The following IMMP2L variants were observed in gnomAD, a reference collection of about 807,000 sequenced individuals.
IMMP2L encodes the protein mitochondrial inner membrane protease subunit 2.
IMMP2L carries 18 observed loss-of-function variants against 19.3 expected under a neutral mutation model. The observed-to-expected ratio is 0.93, with a 90% CI of 0.64 to 1.38. IMMP2L has a LOEUF of 1.38. IMMP2L is among the 40% of genes most tolerant of loss of function. IMMP2L has a pLI of 0.00. For synonymous variants in IMMP2L, 76 were observed against 73.0 expected, an observed-to-expected ratio of 1.04 and a Z score of -0.21; for missense variants, 233 against 218.2, an observed-to-expected ratio of 1.07 and a Z score of -0.43.
intron 5 of IMMP2L, among the ~76,000 whole-genome samples, chr7:110,687,628 A>G (rs1423127801): frequency 3.3e-5 from 5 of 152,126 alleles, no homozygotes; most frequent in Admixed American, 3.3e-4. Context: ...TAAAATTTAG[A>G]TCTTAATGAT....
intron 3 of IMMP2L, among the ~76,000 whole-genome samples, chr7:111,243,027 T>G (rs1815314711): frequency 2.0e-5 from 3 of 152,098 alleles, no homozygotes; most frequent in Admixed American, 2.0e-4. Flanking sequence ...AAATCTCTTT[T>G]TGTGCACTTT....
At chr7:111,414,810 TAC>T (rs956400250) in intron 3 of IMMP2L, among the ~76,000 whole-genome samples, 9 of 151,874 alleles carry the variant, frequency 5.9e-5, no homozygotes, top group Middle Eastern at 3.4e-3. Flanking sequence ...CACTAAAAAA[TAC>T]AGTCTATTAA....
rs958708877 is a variant in IMMP2L at position 110,728,190 on chromosome 7, A to G, written c.409-64469T>C. Among the ~76,000 whole-genome samples, 8 of 152,202 alleles carry G rather than the reference A, an allele frequency of 5.3e-5. No individual in the cohort carries two copies. Among genetic ancestry groups the G allele is most frequent in the Non-Finnish European group, 7.3e-5 (5 of 68,054 alleles). Reference sequence around the variant, plus strand: ...ATCTGCCATGCTTGTTGTTGTTGTTATCAATATTATTAATAATCTTAAAGG... The same window carrying G: ...ATCTGCCATGCTTGTTGTTGTTGTTGTCAATATTATTAATAATCTTAAAGG... On this transcript the variant is annotated intron_variant, in intron 5 of 5. Transcript: ENST00000405709. This position sits in a 1 kb window ranked among gnomAD's most constrained non-coding sequence, Gnocchi z 4.6.
At chr7:111,269,009 C>A (rs1334421114) in intron 3 of IMMP2L, among the ~76,000 whole-genome samples, 1 of 152,016 alleles carries the variant, frequency 6.6e-6, no homozygotes, top group African/African-American at 2.4e-5. Context: ...GAGCAAGGTC[C>A]AGTTACTGCA....
intron 3 of IMMP2L, among the ~76,000 whole-genome samples, chr7:111,346,983 A>C (rs973086000): frequency 1.3e-5 from 2 of 152,112 alleles, no homozygotes; most frequent in African/African-American, 4.8e-5. Context: ...AGAGGGTTTA[A>C]AAAGTCTCTG....
chr7:111,452,690 T>G (rs1404631504), intron 3 of IMMP2L, among the ~76,000 whole-genome samples: 1 of 152,054 alleles, frequency 6.6e-6, no homozygotes, highest in Admixed American at 6.6e-5. Context: ...AACTTCCAAT[T>G]CTCTGAAGTC....
chr7:111,136,698 G>A (rs1020633419), intron 3 of IMMP2L, among the ~76,000 whole-genome samples: 1 of 152,166 alleles, frequency 6.6e-6, no homozygotes, highest in Non-Finnish European at 1.5e-5. Flanking sequence ...TCAAATGGAA[G>A]CAAAGCCAGC....
chr7:110,716,598 C>T (rs543556110), intron 5 of IMMP2L, among the ~76,000 whole-genome samples: 53 of 152,244 alleles, frequency 3.5e-4, no homozygotes, highest in Non-Finnish European at 6.9e-4. Context: ...TTTGGAATTT[C>T]TTTTCTTTAA....
intron 4 of IMMP2L, among the ~76,000 whole-genome samples, chr7:110,893,446 T>C (rs535470807): frequency 1.3e-5 from 2 of 152,340 alleles, no homozygotes; most frequent in East Asian, 1.9e-4. Context: ...TCAGTTCACA[T>C]TGTTCAAACC....
chr7:110,895,707 T>C (rs1365734735), intron 4 of IMMP2L, among the ~76,000 whole-genome samples: 2 of 152,212 alleles, frequency 1.3e-5, no homozygotes, highest in Non-Finnish European at 2.9e-5. Context: ...GTTTCTGTTC[T>C]GTTGTGGGAC....
intron 3 of IMMP2L, among the ~76,000 whole-genome samples, chr7:111,408,970 T>C (rs555288368): frequency 6.6e-6 from 1 of 151,846 alleles, no homozygotes; most frequent in South Asian, 2.1e-4. Flanking sequence ...CTAGATGATA[T>C]ATTGATACAA....
At chr7:111,508,694 C>T (rs1412212842) in intron 2 of IMMP2L, among the ~76,000 whole-genome samples, 1 of 152,110 alleles carries the variant, frequency 6.6e-6, no homozygotes, top group Non-Finnish European at 1.5e-5. Context: ...AAAGCAAAGA[C>T]ACCACTCAAA....
At chr7:110,706,383 C>A (rs1221181395) in intron 5 of IMMP2L, among the ~76,000 whole-genome samples, 1 of 152,192 alleles carries the variant, frequency 6.6e-6, no homozygotes, top group Non-Finnish European at 1.5e-5. Context: ...GGATTACAGG[C>A]ATGAGCCACT....
intron 1 of IMMP2L, among the ~76,000 whole-genome samples, chr7:111,556,015 C>CATATATATATATATATATATATATAT (rs1491205083): frequency 7.5e-5 from 1 of 13,314 alleles, no homozygotes; most frequent in East Asian, 0.023. Context: ...CTTCTGTGTG[C>CATATATATATATATATATATATATAT]ATGTATATAT....
intron 5 of IMMP2L, among the ~76,000 whole-genome samples, chr7:110,821,061 C>CTAACTCATTTAACTCTTCCCAAGAGG (rs1399865719): frequency 5.7e-4 from 86 of 152,162 alleles, no homozygotes; most frequent in African/African-American, 1.9e-3. Flanking sequence ...TTTATATACA[C>CTAACTCATTTAACTCTTCCCAAGAGG]TAACTCATTT....
intron 5 of IMMP2L, among the ~76,000 whole-genome samples, chr7:110,812,377 T>A (rs1442412579): frequency 2.0e-5 from 3 of 151,644 alleles, no homozygotes; most frequent in Admixed American, 2.0e-4. Context: ...ACCTCAGGAG[T>A]GACACAGGAG....
At chr7:110,835,969 C>T (rs1365607512) in intron 5 of IMMP2L, among the ~76,000 whole-genome samples, 3 of 152,056 alleles carry the variant, frequency 2.0e-5, no homozygotes, top group Non-Finnish European at 4.4e-5. Context: ...CCCAGGGCAA[C>T]ACCCAATTGT....
chr7:111,260,850 T>C (rs1468592670), intron 3 of IMMP2L, among the ~76,000 whole-genome samples: 1 of 152,134 alleles, frequency 6.6e-6, no homozygotes, highest in Non-Finnish European at 1.5e-5. Flanking sequence ...CATTTGTGAA[T>C]TTAATAAAAA....
At chr7:110,953,507 T>C (rs1818045860) in intron 4 of IMMP2L, among the ~76,000 whole-genome samples, 1 of 152,148 alleles carries the variant, frequency 6.6e-6, no homozygotes, top group South Asian at 2.1e-4. Context: ...CTCATCCTTT[T>C]TTATGGCTGC....
Sources: gnomAD v4.1 joint callset for allele counts (sites outside exome capture counted in the v4.1 genomes callset) on GRCh38, gnomAD v4.1.1 for gene constraint, Gnocchi (gnomAD v3.1) non-coding constraint, MANE v1.5 for transcripts, NCBI Gene and HGNC (gene_info 2026-07-23, HGNC 2026-07-21) for gene names.